DISC1: variants seen among roughly 807,000 people sequenced by gnomAD.
The protein encoded by DISC1 is disrupted in schizophrenia 1 protein.
DISC1 carries 57 observed loss-of-function variants against 84.5 expected under a neutral mutation model. That is an observed-to-expected ratio of 0.67 (90% CI 0.55 to 0.84). DISC1 has a LOEUF of 0.84. DISC1 is among the 40% of genes least tolerant of loss of function. The probability of loss-of-function intolerance (pLI) is 0.00; values close to 1 mark genes in which losing one functional copy is unlikely to be tolerated. For synonymous variants in DISC1, 411 were observed against 415.2 expected (o/e 0.99, Z 0.12); for missense variants, 1,000 against 1,057.8 (o/e 0.95, Z 0.76).
intron 1 of DISC1, among the ~76,000 whole-genome samples, chr1:231,628,590 G>C (rs1348315591): frequency 1.3e-5 from 2 of 152,188 alleles, no homozygotes; most frequent in African/African-American, 2.4e-5. Context: ...GGGTCACCCT[G>C]CTTGGTTCCC....
chr1:231,721,343 T>A (rs2069664328), intron 3 of DISC1, among the ~76,000 whole-genome samples: 1 of 151,592 alleles, frequency 6.6e-6, no homozygotes, highest in Admixed American at 6.6e-5. Context: ...TAGAAGAAAA[T>A]GTTTAAAAAT....
intron 10 of DISC1, among the ~76,000 whole-genome samples, chr1:231,984,937 C>T (rs1664188844): frequency 6.6e-6 from 1 of 152,046 alleles, no homozygotes; most frequent in Non-Finnish European, 1.5e-5. Flanking sequence ...GGTTAGAGTA[C>T]CTAATTCTGG....
chr1:231,709,931 T>A (rs1194944270), intron 3 of DISC1, among the ~76,000 whole-genome samples: 1 of 152,222 alleles, frequency 6.6e-6, no homozygotes, highest in African/African-American at 2.4e-5. Flanking sequence ...GCTGCTCTCA[T>A]AGGTTTTCTG....
chr1:231,824,847 G>A (rs2081743535), intron 9 of DISC1, among the ~76,000 whole-genome samples: 1 of 151,928 alleles, frequency 6.6e-6, no homozygotes, highest in Non-Finnish European at 1.5e-5. Context: ...ATGTAATACT[G>A]TAGAACCAGA....
At chr1:231,985,810 G>A (rs1210300040) in intron 10 of DISC1, among the ~76,000 whole-genome samples, 1 of 152,220 alleles carries the variant, frequency 6.6e-6, no homozygotes, top group African/African-American at 2.4e-5. Flanking sequence ...TGGGTCCCCT[G>A]CTGTGTATTT....
At chr1:231,864,430 G>A (rs1361252806) in intron 9 of DISC1, among the ~76,000 whole-genome samples, 3 of 152,120 alleles carry the variant, frequency 2.0e-5, no homozygotes, top group East Asian at 1.9e-4. Context: ...TTGGGAGGCC[G>A]AGGTGGGCAG....
chr1:231,977,956 T>C (rs562119050), intron 10 of DISC1, among the ~76,000 whole-genome samples: 36 of 152,376 alleles, frequency 2.4e-4, no homozygotes, highest in African/African-American at 8.2e-4. Context: ...CTTAGGTCTC[T>C]TTTAATCTGT....
chr1:231,994,605 T>C (rs1438311330), intron 10 of DISC1, among the ~76,000 whole-genome samples: 1 of 152,110 alleles, frequency 6.6e-6, no homozygotes, highest in Non-Finnish European at 1.5e-5. Context: ...CTAAATGAAG[T>C]AATATATGTA....
In DISC1 at chr1:231,819,812, T is replaced by C. The variant is rs550539664; in HGVS notation, c.1981+1295T>C. The stretch of plus-strand genomic sequence containing the variant: ...AATTTCTCATGTTTTCACCACATAG[T>C]TTTTTGTCATAAAATGAAGAATATA... On this transcript the variant is annotated intron_variant, in intron 9 of 12. Transcript: ENST00000439617. Among the ~76,000 whole-genome samples, 4 of 152,306 alleles carry C rather than the reference T, an allele frequency of 2.6e-5. No individual in the cohort carries two copies. The South Asian group carries it at 8.3e-4, about 32-fold the overall frequency.
chr1:231,703,169 T>C (rs542814565), intron 3 of DISC1, among the ~76,000 whole-genome samples: 7 of 152,234 alleles, frequency 4.6e-5, no homozygotes, highest in Non-Finnish European at 1.0e-4. Flanking sequence ...CAGTTGGGTT[T>C]AGAAAGTCAC....
At chr1:231,940,873 A>G (rs2091288966) in intron 9 of DISC1, 1 of 152,278 alleles carries the variant, frequency 6.6e-6, no homozygotes, top group African/African-American at 2.4e-5. Context: ...GGCTGTGGCC[A>G]GCTTGCGGGT....
intron 10 of DISC1, among the ~76,000 whole-genome samples, chr1:231,989,699 G>A (rs1156568572): frequency 2.6e-5 from 4 of 152,166 alleles, no homozygotes; most frequent in Non-Finnish European, 5.9e-5. Flanking sequence ...GATGAGACAG[G>A]CATATGAGCA....
rs1470442619 is a variant in DISC1 at position 231,897,339 on chromosome 1, ATGAATGGAACTTTTTGATTTTT to A, written c.1982-61487_1982-61466del. Among the ~76,000 whole-genome samples the A allele has an allele frequency of 6.6e-6, 1 of 152,192 alleles. No homozygotes were observed. The highest frequency in any genetic ancestry group is 6.5e-5 in the Admixed American group (1 of 15,272). ...TTTGTCACTGTGTCTTTTCCTTGAA[ATGAATGGAACTTTTTGATTTTT>A]TATCCTTACTTTTCTCCTCTCTGGG... On this transcript the variant is annotated intron_variant, in intron 9 of 12. Transcript: ENST00000439617. This position sits in a 1 kb window ranked among gnomAD's most constrained non-coding sequence, Gnocchi z 4.5.
chr1:231,795,669 A>G (rs775698749), intron 7 of DISC1, among the ~76,000 whole-genome samples: 1 of 152,202 alleles, frequency 6.6e-6, no homozygotes, highest in Non-Finnish European at 1.5e-5. Context: ...TGGGTGGATC[A>G]CCTGAGGTCA....
At chr1:231,858,513 C>T (rs987188389) in intron 9 of DISC1, among the ~76,000 whole-genome samples, 9 of 152,040 alleles carry the variant, frequency 5.9e-5, no homozygotes, top group African/African-American at 1.7e-4. Context: ...CAAGGGTGCT[C>T]GTCTTCATTC....
At chr1:231,767,059 G>C (rs2076222593) in intron 4 of DISC1, 81 bp from the exon 5 acceptor site, 1 of 1,583,128 alleles carries the variant, frequency 6.3e-7, no homozygotes, top group African/African-American at 1.3e-5. Flanking sequence ...ACTTGCTGGA[G>C]TTTCTTACTC....
At position 231,995,946 on chromosome 1, in the gene DISC1, C is replaced by T. The variant is rs1486184306; in HGVS notation, c.2043-12839C>T. ...CTTCCACAATGGTTGAACTAGTTTACAGTCCCACCAACAGTGTAAAAGTGT... is the reference window on the plus strand; with the variant it reads ...CTTCCACAATGGTTGAACTAGTTTATAGTCCCACCAACAGTGTAAAAGTGT... On this transcript the variant is annotated intron_variant, in intron 10 of 12. Coordinates refer to ENST00000439617, the MANE Select transcript of DISC1 (RefSeq NM_018662.3). 3.9e-5 allele frequency among the ~76,000 whole-genome samples: 6 copies of T among 151,996 alleles called. No individual in the cohort carries two copies. In the East Asian group the frequency reaches 7.7e-4, roughly 20 times the overall value.
At chr1:231,706,485 T>C (rs1480438499) in intron 3 of DISC1, among the ~76,000 whole-genome samples, 4 of 152,216 alleles carry the variant, frequency 2.6e-5, no homozygotes, top group Non-Finnish European at 4.4e-5. Context: ...CCAGTGACCA[T>C]GCTCACTTCC....
chr1:231,950,899 A>T (rs1337739387), intron 9 of DISC1, among the ~76,000 whole-genome samples: 1 of 152,196 alleles, frequency 6.6e-6, no homozygotes, highest in Non-Finnish European at 1.5e-5. Context: ...TACCTATGTA[A>T]GTATCAAGAC....
Sources: allele counts gnomAD v4.1 joint callset (sites outside exome capture counted in the v4.1 genomes callset), GRCh38; gene constraint gnomAD v4.1.1; non-coding constraint Gnocchi (gnomAD v3.1); transcripts MANE v1.5; gene names NCBI Gene and HGNC (gene_info 2026-07-23, HGNC 2026-07-21).